The following MACROD2 variants were observed in gnomAD, a reference collection of about 807,000 sequenced individuals.
MACROD2 encodes mono-ADP ribosylhydrolase 2, also known as ADP-ribose glycohydrolase MACROD2.
Under a neutral mutation model 70.4 loss-of-function variants are expected in MACROD2, and 36 were observed. The observed-to-expected ratio is 0.51, with a 90% confidence interval of 0.39 to 0.68. MACROD2 has a LOEUF of 0.68. Ranked by LOEUF, MACROD2 falls within the 30% of genes least tolerant of loss-of-function variation. MACROD2 has a pLI of 0.00. For missense variants in MACROD2, 496 were observed against 538.4 expected (o/e 0.92, Z 0.78); for synonymous variants, 172 against 178.8 (o/e 0.96, Z 0.30).
At position 15,183,195 on chromosome 20, in the gene MACROD2, A is replaced by G. The variant is rs1386873314; in HGVS notation, c.419-46745A>G. 6.6e-5 allele frequency among the ~76,000 whole-genome samples: 10 copies of G among 152,260 alleles called. No homozygotes were observed. The East Asian group carries it at 1.9e-3, about 29-fold the overall frequency. ...ATGCAGTGAATGGGAACTTGTTGTC[A>G]TAAAAATAATCACAGAAATTCTACA... On this transcript the variant is annotated intron_variant, in intron 5 of 17. Coordinates refer to ENST00000684519, the MANE Select transcript of MACROD2 (RefSeq NM_001351661.2).
Position 15,147,811 on chromosome 20 carries a change from G to A in MACROD2, c.419-82129G>A, listed in dbSNP as rs574500147. Among the ~76,000 whole-genome samples, 182 of 152,086 alleles carry A rather than the reference G, an allele frequency of 1.2e-3. 5 individuals are homozygous for A. In the East Asian group the frequency reaches 0.034, roughly 28 times the overall value. On this transcript the variant is annotated intron_variant, in intron 5 of 17. Transcript: ENST00000684519. ...AAAAGAGAGTCAGTGAAGGGAGCTA[G>A]GGGTGGGGCCATTTTATAGGATTTG...
chr20:14,664,189 T>C (rs1276928349), intron 4 of MACROD2, among the ~76,000 whole-genome samples: 1 of 152,144 alleles, frequency 6.6e-6, no homozygotes, highest in Non-Finnish European at 1.5e-5. Flanking sequence ...TTTTCTCACA[T>C]GTGCATCAAA....
chr20:15,012,405 C>T (rs755949245), intron 5 of MACROD2, among the ~76,000 whole-genome samples: 1 of 152,092 alleles, frequency 6.6e-6, no homozygotes, highest in Non-Finnish European at 1.5e-5. Context: ...GTAAACAGCT[C>T]GTTCAAGCAA....
chr20:14,326,578 C>T lies in MACROD2; in HGVS notation c.272-166901C>T. On this transcript the variant is annotated intron_variant, in intron 3 of 17. Transcript: ENST00000684519. This position sits in a 1 kb window ranked among gnomAD's most constrained non-coding sequence, Gnocchi z 5.5. ...GTCACGTACCCATTTCATCTTGCAC[C>T]CGCAATACCAGGGATTGTTGCGAAG... 1 of 1,613,876 alleles carries T rather than the reference C, an allele frequency of 6.2e-7. No homozygotes were observed. Among genetic ancestry groups the T allele is most frequent in the Non-Finnish European group, 8.5e-7 (1 of 1,179,846 alleles).
chr20:15,814,768 C>T (rs1320334546), intron 8 of MACROD2, among the ~76,000 whole-genome samples: 1 of 152,224 alleles, frequency 6.6e-6, no homozygotes, highest in African/African-American at 2.4e-5. Context: ...TCCCTGCTTT[C>T]TTCAATATCC....
At position 14,326,884 on chromosome 20, in the gene MACROD2, C is replaced by G; in HGVS notation, c.272-166595C>G. The stretch of plus-strand genomic sequence containing the variant: ...TAAACCATGATTGTTCAACAGGTTT[C>G]CATCTAGAACCAGGCGTTTTAGACT... On this transcript the variant is annotated intron_variant, in intron 3 of 17. Coordinates refer to ENST00000684519, the MANE Select transcript of MACROD2 (RefSeq NM_001351661.2). This position sits in a 1 kb window ranked among gnomAD's most constrained non-coding sequence, Gnocchi z 5.5. 6.2e-7 allele frequency: 1 copy of G among 1,613,734 alleles called. No individual in the cohort carries two copies. Among genetic ancestry groups the G allele is most frequent in the Non-Finnish European group, 8.5e-7 (1 of 1,179,784 alleles).
intron 7 of MACROD2, among the ~76,000 whole-genome samples, chr20:15,499,547 T>G (rs1431496102): frequency 1.3e-5 from 2 of 152,202 alleles, no homozygotes; most frequent in East Asian, 1.9e-4. Flanking sequence ...ATTAAATTAT[T>G]TATTGTCTTT....
At chr20:14,061,423 A>G (rs575137676) in intron 2 of MACROD2, among the ~76,000 whole-genome samples, 44 of 152,206 alleles carry the variant, frequency 2.9e-4, no homozygotes, top group African/African-American at 9.6e-4. Context: ...TTTCTCCTTC[A>G]GGACTGGTGC....
chr20:15,429,213 C>T (rs2046335843), intron 6 of MACROD2, among the ~76,000 whole-genome samples: 1 of 152,128 alleles, frequency 6.6e-6, no homozygotes, highest in South Asian at 2.1e-4. Flanking sequence ...ACATCACTTT[C>T]AGAGTCTGTG....
At chr20:15,816,194 TAGGA>T (rs1214524533) in intron 8 of MACROD2, among the ~76,000 whole-genome samples, 2 of 152,134 alleles carry the variant, frequency 1.3e-5, no homozygotes, top group African/African-American at 4.8e-5. Context: ...GAGTTCATGG[TAGGA>T]AGGTCAATGA....
chr20:14,730,795 G>A (rs1411385526), intron 5 of MACROD2, among the ~76,000 whole-genome samples: 1 of 151,838 alleles, frequency 6.6e-6, no homozygotes, highest in African/African-American at 2.4e-5. Context: ...AAAAAATACT[G>A]GACAAAAGTT....
At chr20:15,045,236 A>T (rs1275445770) in intron 5 of MACROD2, among the ~76,000 whole-genome samples, 1 of 152,200 alleles carries the variant, frequency 6.6e-6, no homozygotes, top group East Asian at 1.9e-4. Flanking sequence ...ATCAGAAAAC[A>T]CAGCTTCACG....
intron 5 of MACROD2, among the ~76,000 whole-genome samples, chr20:15,010,716 A>C (rs2075076120): frequency 6.6e-6 from 1 of 152,214 alleles, no homozygotes; most frequent in Admixed American, 6.5e-5. Flanking sequence ...AAAGACAACA[A>C]AAATATAATA....
chr20:15,045,266 C>G (rs965803246), intron 5 of MACROD2, among the ~76,000 whole-genome samples: 5 of 152,168 alleles, frequency 3.3e-5, no homozygotes, highest in African/African-American at 1.2e-4. Context: ...TTTTAATGCT[C>G]TTCTAAATAA....
intron 7 of MACROD2, among the ~76,000 whole-genome samples, chr20:15,444,028 A>G (rs144407761): frequency 4.8e-4 from 73 of 152,248 alleles, no homozygotes; most frequent in African/African-American, 1.6e-3. Context: ...ATCATAATCT[A>G]TGTTCATCAT....
chr20:14,766,975 CTG>C (rs1402074111), intron 5 of MACROD2, among the ~76,000 whole-genome samples: 2 of 152,078 alleles, frequency 1.3e-5, no homozygotes, highest in Non-Finnish European at 2.9e-5. Flanking sequence ...ATACCAATGA[CTG>C]GAATTTTCTG....
At chr20:14,515,465 GCACACACACA>G (rs11467236) in intron 4 of MACROD2, among the ~76,000 whole-genome samples, 1 of 127,066 alleles carries the variant, frequency 7.9e-6, no homozygotes, top group African/African-American at 3.1e-5. Flanking sequence ...ACACACACAC[GCACACACACA>G]CACACACACA....
chr20:15,048,295 A>C (rs541082888), intron 5 of MACROD2, among the ~76,000 whole-genome samples: 2 of 152,196 alleles, frequency 1.3e-5, no homozygotes, highest in South Asian at 4.2e-4. Flanking sequence ...ACAAACACAC[A>C]AACAAACAAA....
At chr20:15,396,602 T>C (rs2045863401) in intron 6 of MACROD2, among the ~76,000 whole-genome samples, 1 of 152,218 alleles carries the variant, frequency 6.6e-6, no homozygotes, top group African/African-American at 2.4e-5. Context: ...TTTGACAAAG[T>C]AGCTTCAGAC....
Sources: allele counts gnomAD v4.1 joint callset (sites outside exome capture counted in the v4.1 genomes callset), GRCh38; gene constraint gnomAD v4.1.1; non-coding constraint Gnocchi (gnomAD v3.1); transcripts MANE v1.5; gene names NCBI Gene and HGNC (gene_info 2026-07-23, HGNC 2026-07-21).